The following PLAC1 variants were observed in gnomAD, a reference collection of about 807,000 sequenced individuals.
The protein encoded by PLAC1 is placenta-specific protein 1.
For missense variants in PLAC1, 136 were observed against 163.2 expected (o/e 0.83, Z 0.91); for synonymous variants, 68 against 62.1 (o/e 1.09, Z -0.44).
At chrX:134,641,506 C>T (rs2078307407) in intron 1 of PLAC1, among the ~76,000 whole-genome samples, 1 of 112,139 alleles carries the variant, frequency 8.9e-6, no homozygotes, top group Non-Finnish European at 1.9e-5. Flanking sequence ...TTCATGATGC[C>T]TTCCTCAAAG....
intron 2 of PLAC1, among the ~76,000 whole-genome samples, chrX:134,688,353 T>C (rs767539602): frequency 6.3e-4 from 71 of 112,340 alleles, no homozygotes; most frequent in African/African-American, 2.1e-3. Context: ...TGTCAAATTA[T>C]GTGGTATTAC....
chrX:134,622,128 A>G (rs2078213924), intron 1 of PLAC1, among the ~76,000 whole-genome samples: 1 of 112,082 alleles, frequency 8.9e-6, no homozygotes, highest in Admixed American at 9.5e-5. Flanking sequence ...GGGCTGTATC[A>G]GTTGGCAGAT....
At chrX:134,569,682 C>A (rs1038398945) in intron 2 of PLAC1, among the ~76,000 whole-genome samples, 3 of 109,028 alleles carry the variant, frequency 2.8e-5, no homozygotes, top group Non-Finnish European at 5.7e-5. Flanking sequence ...AACAGATCCT[C>A]AAAGCAGGGC....
rs772775654 is a variant in PLAC1 at position 134,706,317 on chromosome X, G to T, written n.174+27118C>A. Among the ~76,000 whole-genome samples the T allele has an allele frequency of 2.7e-5, 3 of 112,316 alleles. No individual in the cohort carries two copies. In the Admixed American group the frequency reaches 2.8e-4, roughly 11 times the overall value. On this transcript the variant is annotated intron_variant and non_coding_transcript_variant, in intron 2 of 2. Coordinates refer to the PLAC1 transcript ENST00000466797. ...AGTGTGGTGTTGGAGAGGGCCAAGT[G>T]GGAAGCTGTGACTGTAATAAATCTC...
At chrX:134,640,173 A>G (rs2078301725) in intron 1 of PLAC1, among the ~76,000 whole-genome samples, 1 of 111,820 alleles carries the variant, frequency 8.9e-6, no homozygotes, top group Non-Finnish European at 1.9e-5. Flanking sequence ...CTACCCTATT[A>G]TTTTAATACC....
intron 2 of PLAC1, among the ~76,000 whole-genome samples, chrX:134,706,665 C>G (rs1047004494): frequency 7.2e-5 from 8 of 111,489 alleles, no homozygotes; most frequent in Admixed American, 2.9e-4. Context: ...AACCTTTGAA[C>G]AAGTAATTAT....
intron 1 of PLAC1, among the ~76,000 whole-genome samples, chrX:134,755,738 C>CT (rs1365991802): frequency 1.8e-5 from 2 of 109,498 alleles, no homozygotes; most frequent in East Asian, 5.7e-4. Flanking sequence ...ACTTTTTAGC[C>CT]TTTTTTCTTT....
intron 2 of PLAC1, among the ~76,000 whole-genome samples, chrX:134,716,997 G>A (rs185309731): frequency 8.9e-6 from 1 of 112,121 alleles, no homozygotes; most frequent in East Asian, 2.8e-4. Context: ...TCAGTAAAAT[G>A]ATAGCAATTT....
intron 2 of PLAC1, among the ~76,000 whole-genome samples, chrX:134,580,455 A>G (rs1279188170): frequency 8.9e-6 from 1 of 112,329 alleles, no homozygotes; most frequent in Non-Finnish European, 1.9e-5. Context: ...GAAATTCATT[A>G]AAGACACAAA....
At chrX:134,657,809 G>T (rs997678904) in intron 1 of PLAC1, among the ~76,000 whole-genome samples, 1 of 110,759 alleles carries the variant, frequency 9.0e-6, no homozygotes, top group Non-Finnish European at 1.9e-5. Context: ...GATCATCTGG[G>T]TTAATAGGAA....
intron 1 of PLAC1, among the ~76,000 whole-genome samples, chrX:134,646,129 G>T (rs939465421): frequency 3.6e-5 from 4 of 112,083 alleles, no homozygotes; most frequent in Non-Finnish European, 7.5e-5. Flanking sequence ...ACATTTTGAA[G>T]AGTAGCAATG....
At chrX:134,639,867 T>C (rs2078300028) in intron 1 of PLAC1, among the ~76,000 whole-genome samples, 1 of 112,418 alleles carries the variant, frequency 8.9e-6, no homozygotes, top group South Asian at 3.7e-4. Context: ...CATAATGTTT[T>C]CAAGGTTCAT....
In PLAC1 at chrX:134,609,453, C is replaced by T. The variant is rs148907139; in HGVS notation, c.-130-7331G>A. ...ATAGCAGGTACTCGGTAATTGTTTG[C>T]GGATTTTTCTTAAAGAATGAATAAA... On this transcript the variant is annotated intron_variant, in intron 1 of 2. Coordinates refer to ENST00000359237, the MANE Select transcript of PLAC1 (RefSeq NM_021796.4). Among the ~76,000 whole-genome samples, 679 of 111,827 alleles carry T rather than the reference C, an allele frequency of 6.1e-3. 4 individuals are homozygous for T. The highest frequency in any genetic ancestry group is 0.039 in the East Asian group (137 of 3,551).
At chrX:134,618,269 A>G (rs1179040701) in intron 1 of PLAC1, among the ~76,000 whole-genome samples, 2 of 112,419 alleles carry the variant, frequency 1.8e-5, no homozygotes, top group Non-Finnish European at 3.8e-5. Context: ...CCGGGCAGCA[A>G]GGTAGCTCCC....
At chrX:134,604,728 G>A (rs947788414) in intron 1 of PLAC1, among the ~76,000 whole-genome samples, 6 of 111,168 alleles carry the variant, frequency 5.4e-5, no homozygotes, top group African/African-American at 2.0e-4. Flanking sequence ...CCCCTTTGCT[G>A]GGGCCTGCAG....
chrX:134,673,937 G>A (rs1014872756), intron 2 of PLAC1, among the ~76,000 whole-genome samples: 6 of 112,980 alleles, frequency 5.3e-5, no homozygotes, highest in African/African-American at 1.6e-4. Context: ...CCGTTCACAC[G>A]GTCTTTATCT....
intron 1 of PLAC1, among the ~76,000 whole-genome samples, chrX:134,741,021 G>A (rs1264650689): frequency 8.9e-6 from 1 of 112,266 alleles, no homozygotes; most frequent in Non-Finnish European, 1.9e-5. Flanking sequence ...CTAATATAAG[G>A]AAAGTGTTCT....
At chrX:134,625,999 A>G (rs2078235534) in intron 1 of PLAC1, among the ~76,000 whole-genome samples, 1 of 111,447 alleles carries the variant, frequency 9.0e-6, no homozygotes, top group Non-Finnish European at 1.9e-5. Flanking sequence ...GCCCTGAGCA[A>G]CCACAAAGCC....
chrX:134,716,722 C>T (rs1234316742), intron 2 of PLAC1, among the ~76,000 whole-genome samples: 1 of 112,236 alleles, frequency 8.9e-6, no homozygotes, highest in Non-Finnish European at 1.9e-5. Flanking sequence ...CATGCTAACA[C>T]AGAATTTGTG....
Sources: allele counts gnomAD v4.1 joint callset (sites outside exome capture counted in the v4.1 genomes callset), GRCh38; gene constraint gnomAD v4.1.1; transcripts MANE v1.5; gene names NCBI Gene and HGNC (gene_info 2026-07-23, HGNC 2026-07-21).